Variants in DOCK10 observed in about 807,000 individuals in gnomAD.
DOCK10 encodes the protein dedicator of cytokinesis 10, also known as dedicator of cytokinesis protein 10.
In DOCK10, 145 loss-of-function variants were observed where a neutral mutation model predicts 280.1. The ratio of observed to expected loss-of-function variants is 0.52; its 90% CI spans 0.45 to 0.59. The LOEUF (loss-of-function observed/expected upper bound fraction) is 0.59, where lower values mean the gene tolerates loss of function less well. Among genes scored for constraint, DOCK10 ranks in the 20% least tolerant of loss-of-function variants. The probability of loss-of-function intolerance (pLI) is 0.00; values close to 1 mark genes in which losing one functional copy is unlikely to be tolerated. For synonymous variants in DOCK10, 915 were observed against 942.2 expected (o/e 0.97, Z 0.53); for missense variants, 2,368 against 2,651.7 (o/e 0.89, Z 2.35).
intron 1 of DOCK10, among the ~76,000 whole-genome samples, chr2:224,979,864 C>T (rs1705655965): frequency 6.6e-6 from 1 of 151,776 alleles, no homozygotes; most frequent in Non-Finnish European, 1.5e-5. Context: ...GGAAAAGAGA[C>T]ACAGAGATGT....
chr2:224,839,889 A>G, intron 24 of DOCK10, 65 bp downstream of exon 24: 2 of 664,254 alleles, frequency 3.0e-6, no homozygotes, highest in Non-Finnish European at 5.0e-6. Context: ...CTGTTTAGTT[A>G]TAATTAAGAG....
At chr2:224,818,062 G>A (rs938863369) in intron 29 of DOCK10, among the ~76,000 whole-genome samples, 1 of 152,206 alleles carries the variant, frequency 6.6e-6, no homozygotes, top group African/African-American at 2.4e-5. Flanking sequence ...TATGGAAGGT[G>A]AATCTGAAGC....
chr2:224,874,422 A>C (rs1698499690), intron 9 of DOCK10, 73 bp from the exon 10 acceptor site: 1 of 1,188,794 alleles, frequency 8.4e-7, no homozygotes, highest in Non-Finnish European at 1.2e-6. Context: ...CACATGGCCA[A>C]GAAGCAGCCC....
At chr2:224,809,779 A>G (rs2125243500) in intron 31 of DOCK10, among the ~76,000 whole-genome samples, 1 of 152,154 alleles carries the variant, frequency 6.6e-6, no homozygotes, top group Admixed American at 6.6e-5. Context: ...AGGAAACAGT[A>G]TAGAAGGTCC....
chr2:224,860,249 C>A (rs1697413812), intron 14 of DOCK10, among the ~76,000 whole-genome samples: 1 of 152,140 alleles, frequency 6.6e-6, no homozygotes, highest in African/African-American at 2.4e-5. Context: ...CTCCTAACTT[C>A]TCAGGTTCTT....
intron 2 of DOCK10, among the ~76,000 whole-genome samples, chr2:224,922,840 C>A (rs957964142): frequency 5.3e-5 from 8 of 152,244 alleles, no homozygotes; most frequent in South Asian, 2.1e-4. Context: ...AAAAGGAGGA[C>A]AAAATGATGG....
At chr2:224,992,649 T>G (rs548375934) in intron 1 of DOCK10, among the ~76,000 whole-genome samples, 2 of 152,228 alleles carry the variant, frequency 1.3e-5, no homozygotes, top group East Asian at 1.9e-4. Flanking sequence ...TATCTCCAGT[T>G]TGTGCTACTG....
Position 224,787,047 on chromosome 2 carries a change from T to C in DOCK10, c.5630A>G (p.Tyr1877Cys). The C allele has an allele frequency of 6.2e-7, 1 of 1,613,906 alleles. No individual in the cohort carries two copies. The highest frequency in any genetic ancestry group is 1.1e-5 in the South Asian group (1 of 91,082). Residue 1877 changes from tyrosine (Y) to cysteine (C), a missense_variant, in exon 50 of 56, where the codon TAC becomes TGC. Tyr to Cys is a radical substitution (Grantham distance 194). Coordinates refer to ENST00000258390, the MANE Select transcript of DOCK10 (RefSeq NM_014689.3). The stretch of plus-strand genomic sequence containing the variant: ...CTGCCCATAAAATGCCACACGATAG[T>C]AGCGACCAAACAGCCGCTTCTCCGA... ...VNSEKRLFGR[Y>C]YRVAFYGQGF...
At chr2:224,965,855 T>C (rs1704707991) in intron 1 of DOCK10, among the ~76,000 whole-genome samples, 1 of 152,234 alleles carries the variant, frequency 6.6e-6, no homozygotes, top group African/African-American at 2.4e-5. Context: ...GAAGGCATTA[T>C]ATAAAACTCT....
At chr2:224,790,424 A>G (rs1187465148) in intron 47 of DOCK10, among the ~76,000 whole-genome samples, 1 of 152,178 alleles carries the variant, frequency 6.6e-6, no homozygotes, top group Non-Finnish European at 1.5e-5. Flanking sequence ...TAACTGAGAC[A>G]TTGCTGGTAC....
intron 1 of DOCK10, among the ~76,000 whole-genome samples, chr2:224,982,974 C>T (rs1041692306): frequency 1.3e-5 from 2 of 152,136 alleles, no homozygotes; most frequent in African/African-American, 2.4e-5. Context: ...CATTAACCAG[C>T]CCTGAGTGAG....
At chr2:225,030,762 T>C (rs1446882171) in intron 1 of DOCK10, among the ~76,000 whole-genome samples, 1 of 152,244 alleles carries the variant, frequency 6.6e-6, no homozygotes, top group Non-Finnish European at 1.5e-5. Context: ...CAATTTGCTA[T>C]AATATTTGTG....
chr2:224,994,093 CT>C (rs2126274051), intron 1 of DOCK10, among the ~76,000 whole-genome samples: 1 of 152,228 alleles, frequency 6.6e-6, no homozygotes, highest in South Asian at 2.1e-4. Flanking sequence ...TATTATATCG[CT>C]TTGTAATTCA....
intron 2 of DOCK10, among the ~76,000 whole-genome samples, chr2:224,918,414 T>C (rs1701458568): frequency 6.6e-6 from 1 of 150,840 alleles, no homozygotes; most frequent in South Asian, 2.1e-4. Flanking sequence ...TGAGAGTGTG[T>C]TGCATTTGAG....
At chr2:224,945,479 AC>A (rs1026372889) in intron 1 of DOCK10, among the ~76,000 whole-genome samples, 1 of 152,140 alleles carries the variant, frequency 6.6e-6, no homozygotes, top group Non-Finnish European at 1.5e-5. Context: ...GCATGTATTC[AC>A]CAATGGCAGA....
intron 2 of DOCK10, among the ~76,000 whole-genome samples, chr2:224,929,926 C>T (rs775848045): frequency 1.8e-4 from 28 of 152,068 alleles, no homozygotes; most frequent in Admixed American, 3.9e-4. Context: ...CAAGGCTGGA[C>T]GTGGTGGCTC....
In DOCK10 at chr2:224,943,175, C is replaced by T. The variant is rs747766556; in HGVS notation, c.124-11507G>A. Among the ~76,000 whole-genome samples, 4 of 152,182 alleles carry T rather than the reference C, an allele frequency of 2.6e-5. No homozygotes were observed. In the South Asian group the frequency reaches 6.2e-4, roughly 24 times the overall value. On this transcript the variant is annotated intron_variant, in intron 1 of 55. Transcript: ENST00000258390. ...AGTTCTACTTGATGATCTAACATGACAATTTCACTTTTCCTTAAGCTTTTT... is the reference window on the plus strand; with the variant it reads ...AGTTCTACTTGATGATCTAACATGATAATTTCACTTTTCCTTAAGCTTTTT...
At chr2:224,874,213 T>A in intron 10 of DOCK10, 53 bp downstream of exon 10, 4 of 1,585,624 alleles carry the variant, frequency 2.5e-6, no homozygotes, top group Non-Finnish European at 3.4e-6. Flanking sequence ...TAAATTATAA[T>A]CCCCAACTGT....
chr2:224,967,992 T>C (rs4674955), intron 1 of DOCK10, among the ~76,000 whole-genome samples: 13,673 of 152,260 alleles, frequency 0.09, 2,007 homozygotes, highest in African/African-American at 0.31. Flanking sequence ...TTTCTGATAC[T>C]TATTCATTAT....
Sources: allele counts gnomAD v4.1 joint callset (sites outside exome capture counted in the v4.1 genomes callset), GRCh38; gene constraint gnomAD v4.1.1; transcripts MANE v1.5; gene names NCBI Gene and HGNC (gene_info 2026-07-23, HGNC 2026-07-21).